The following AKT3 variants were observed in gnomAD, a reference collection of about 807,000 sequenced individuals.
AKT3 encodes RAC-gamma serine/threonine-protein kinase.
Under a neutral mutation model 65.3 loss-of-function variants are expected in AKT3, and 15 were observed. The observed-to-expected ratio is 0.23, with a 90% CI of 0.15 to 0.35. AKT3 has a LOEUF of 0.35. Among genes scored for constraint, AKT3 ranks in the 10% least tolerant of loss-of-function variants. AKT3 has a pLI of 1.00. For missense variants in AKT3, 243 were observed against 576.5 expected, an observed-to-expected ratio of 0.42 and a Z score of 5.92; for synonymous variants, 206 against 183.8, an observed-to-expected ratio of 1.12 and a Z score of -0.98.
chr1:243,642,491 AGTAGAGAC>A (rs1361492852), intron 5 of AKT3, among the ~76,000 whole-genome samples: 2 of 152,108 alleles, frequency 1.3e-5, no homozygotes, highest in Non-Finnish European at 2.9e-5. Context: ...TTGTATTTTT[AGTAGAGAC>A]GGGGTTTCAC....
At chr1:243,684,403 C>T (rs952109979) in intron 3 of AKT3, among the ~76,000 whole-genome samples, 6 of 152,002 alleles carry the variant, frequency 3.9e-5, no homozygotes, top group African/African-American at 7.3e-5. Flanking sequence ...TGAGAACATG[C>T]GGTGTTTGGT....
chr1:243,535,337 C>T (rs1002820854), intron 12 of AKT3, among the ~76,000 whole-genome samples: 1 of 151,744 alleles, frequency 6.6e-6, no homozygotes, highest in African/African-American at 2.4e-5. Context: ...TACGTTGTAC[C>T]CAACAGGTGA....
intron 2 of AKT3, among the ~76,000 whole-genome samples, chr1:243,733,619 A>G (rs1024735455): frequency 3.3e-5 from 5 of 152,236 alleles, no homozygotes; most frequent in Non-Finnish European, 5.9e-5. Context: ...TATATCTCAG[A>G]GACCTTTTGG....
chr1:243,516,154 A>G (rs897142547), intron 12 of AKT3, among the ~76,000 whole-genome samples: 1 of 152,220 alleles, frequency 6.6e-6, no homozygotes, highest in African/African-American at 2.4e-5. Flanking sequence ...TGTCTTTGTC[A>G]GAAGGATCTT....
chr1:243,513,336 T>C (rs1037431318), intron 12 of AKT3, among the ~76,000 whole-genome samples: 16 of 152,166 alleles, frequency 1.1e-4, no homozygotes, highest in Admixed American at 3.9e-4. Context: ...GTGCGTGCTC[T>C]GCAGAGTATC....
intron 7 of AKT3, among the ~76,000 whole-genome samples, chr1:243,614,660 C>T (rs980896085): frequency 1.3e-5 from 2 of 152,160 alleles, no homozygotes; most frequent in African/African-American, 4.8e-5. Context: ...AAAATATATT[C>T]GATAAACATT....
chr1:243,783,169 T>TCG (rs1450123302), intron 2 of AKT3, among the ~76,000 whole-genome samples: 9 of 104,748 alleles, frequency 8.6e-5, no homozygotes, highest in Non-Finnish European at 2.4e-4. Context: ...GTGGGGTCCC[T>TCG]AGATCGGTTC....
At chr1:243,661,776 A>T (rs1457141391) in intron 4 of AKT3, among the ~76,000 whole-genome samples, 2,726 of 74,930 alleles carry the variant, frequency 0.036, no homozygotes, top group Admixed American at 0.053. Flanking sequence ...GCAACCTACA[A>T]AATGGGAGAA....
chr1:243,593,104 A>T (rs1274710594), intron 8 of AKT3, among the ~76,000 whole-genome samples: 4 of 152,208 alleles, frequency 2.6e-5, no homozygotes, highest in Admixed American at 1.3e-4. Flanking sequence ...CCACCCCTTT[A>T]AAGAAGAAAT....
intron 2 of AKT3, chr1:243,793,355 T>C (rs1404663560): frequency 6.6e-6 from 1 of 152,160 alleles, no homozygotes; most frequent in African/African-American, 2.4e-5. Flanking sequence ...CCCAAAGTAT[T>C]GGGATTACAG....
chr1:243,720,200 G>A (rs966465010), intron 2 of AKT3, among the ~76,000 whole-genome samples: 1 of 152,072 alleles, frequency 6.6e-6, no homozygotes, highest in Non-Finnish European at 1.5e-5. Flanking sequence ...TCGGGAGGCT[G>A]AGGCAGGAGA....
chr1:243,613,294 G>A (rs1263654437), intron 8 of AKT3, among the ~76,000 whole-genome samples: 1 of 151,280 alleles, frequency 6.6e-6, no homozygotes, highest in African/African-American at 2.4e-5. Flanking sequence ...AGTTTAGAAT[G>A]GGTAAAATAA....
chr1:243,713,615 A>G (rs1372314338), intron 2 of AKT3, among the ~76,000 whole-genome samples: 1 of 151,916 alleles, frequency 6.6e-6, no homozygotes, highest in East Asian at 1.9e-4. Flanking sequence ...CAAGTCAACA[A>G]TCGGCATCAA....
At chr1:243,722,657 C>A (rs1176636231) in intron 2 of AKT3, among the ~76,000 whole-genome samples, 2 of 152,050 alleles carry the variant, frequency 1.3e-5, no homozygotes, top group Non-Finnish European at 2.9e-5. Flanking sequence ...TGCCCAATCC[C>A]CACTGAAAAA....
chr1:243,523,306 C>CACACA (rs1553395180), intron 12 of AKT3, among the ~76,000 whole-genome samples: 4 of 147,180 alleles, frequency 2.7e-5, no homozygotes, highest in Admixed American at 1.3e-4. Flanking sequence ...CACACACACA[C>CACACA]ACCTTTCAGA....
chr1:243,562,010 G>C (rs1190563710), intron 10 of AKT3, among the ~76,000 whole-genome samples: 1 of 152,086 alleles, frequency 6.6e-6, no homozygotes, highest in African/African-American at 2.4e-5. Flanking sequence ...GCCATAAAAG[G>C]AGATGCATAA....
intron 2 of AKT3, among the ~76,000 whole-genome samples, chr1:243,771,535 G>A (rs1690185615): frequency 1.3e-5 from 2 of 152,082 alleles, no homozygotes; most frequent in Admixed American, 6.5e-5. Flanking sequence ...CACATAACTT[G>A]CCAATACTTA....
upstream of AKT3, among the ~76,000 whole-genome samples, chr1:243,850,432 G>C (rs1695731173): frequency 6.6e-6 from 1 of 151,288 alleles, no homozygotes; most frequent in Non-Finnish European, 1.5e-5. Flanking sequence ...GCTCGGGCGG[G>C]GGCCGGGTCA....
chr1:243,843,722 G>A (rs956135432), intron 1 of AKT3: 4 of 319,358 alleles, frequency 1.3e-5, no homozygotes, highest in African/African-American at 4.6e-5. Flanking sequence ...CGCGATCTCT[G>A]CTCACTGCAA....
Sources: allele counts gnomAD v4.1 joint callset (sites outside exome capture counted in the v4.1 genomes callset), GRCh38; gene constraint gnomAD v4.1.1; transcripts MANE v1.5; gene names NCBI Gene and HGNC (gene_info 2026-07-23, HGNC 2026-07-21).